LRRIQ1: variants seen among roughly 807,000 people sequenced by gnomAD.
LRRIQ1 encodes leucine rich repeats and IQ motif containing 1.
LRRIQ1 carries 210 observed loss-of-function variants against 211.9 expected under a neutral mutation model. That is an observed-to-expected ratio of 0.99 (90% CI 0.89 to 1.11). The LOEUF is 1.11. Among genes scored for constraint, LRRIQ1 ranks in the 50% most tolerant of loss-of-function variants. The pLI is 0.00. For missense variants in LRRIQ1, 2,136 were observed against 1,939.5 expected (o/e 1.10, Z -1.90); for synonymous variants, 699 against 650.1 (o/e 1.08, Z -1.14).
intron 11 of LRRIQ1, among the ~76,000 whole-genome samples, chr12:85,081,687 C>A (rs1884301328): frequency 6.8e-6 from 1 of 147,332 alleles, no homozygotes; most frequent in Admixed American, 6.8e-5. Flanking sequence ...TATTTGCTGA[C>A]ATTTGTCATT....
chr12:85,164,170 C>T (rs199523022), intron 24 of LRRIQ1, among the ~76,000 whole-genome samples: 1 of 152,128 alleles, frequency 6.6e-6, no homozygotes, highest in East Asian at 1.9e-4. Context: ...TGGTTATTGC[C>T]TTAAAGATCT....
chr12:85,156,778 A>G (rs1890572805), intron 23 of LRRIQ1, among the ~76,000 whole-genome samples: 2 of 150,672 alleles, frequency 1.3e-5, no homozygotes, highest in Admixed American at 6.6e-5. Flanking sequence ...AACATCGTCT[A>G]TAAAACTGCT....
At chr12:85,140,397 G>T (rs1889453492) in intron 19 of LRRIQ1, among the ~76,000 whole-genome samples, 1 of 151,122 alleles carries the variant, frequency 6.6e-6, no homozygotes, top group East Asian at 2.0e-4. Context: ...TAGTTGATTT[G>T]TTCCTAAGTA....
chr12:85,255,400 A>G (rs1434229044), intron 1 of LRRIQ1, among the ~76,000 whole-genome samples: 1 of 151,770 alleles, frequency 6.6e-6, no homozygotes, highest in Non-Finnish European at 1.5e-5. Context: ...CATATTTCCT[A>G]TTAAAATATT....
intron 19 of LRRIQ1, among the ~76,000 whole-genome samples, chr12:85,142,952 T>C (rs571437339): frequency 2.1e-4 from 32 of 151,760 alleles, no homozygotes; most frequent in African/African-American, 7.5e-4. Context: ...ATACTGATTT[T>C]ATTGCCTTTT....
chr12:85,126,376 G>T (rs1482718576), intron 17 of LRRIQ1, among the ~76,000 whole-genome samples: 1 of 152,046 alleles, frequency 6.6e-6, no homozygotes, highest in Non-Finnish European at 1.5e-5. Context: ...TTTCCCATAA[G>T]CCTTTTAATT....
At chr12:85,185,892 TTATA>T (rs1394529146) in intron 24 of LRRIQ1, among the ~76,000 whole-genome samples, 1 of 151,992 alleles carries the variant, frequency 6.6e-6, no homozygotes, top group Non-Finnish European at 1.5e-5. Context: ...TTTTAATTGC[TTATA>T]TATATAAGGT....
chr12:85,224,622 G>C (rs1234947333), intron 24 of LRRIQ1, among the ~76,000 whole-genome samples: 1 of 150,518 alleles, frequency 6.6e-6, no homozygotes, highest in East Asian at 2.0e-4. Context: ...TTCTCAGCAA[G>C]ATAACACAGG....
rs1885738741 is a variant in LRRIQ1 at position 85,094,943 on chromosome 12, G to A, written c.2888-3412G>A. ...TTCAATATTACTGGTGTATAGAAATGCTACTGATTTTTCTACATTGATTTT... is the reference window on the plus strand; with the variant it reads ...TTCAATATTACTGGTGTATAGAAATACTACTGATTTTTCTACATTGATTTT... On this transcript the variant is annotated intron_variant, in intron 11 of 26. Transcript: ENST00000393217. Among the ~76,000 whole-genome samples, 3 of 152,012 alleles carry A rather than the reference G, an allele frequency of 2.0e-5. No homozygotes were observed. The South Asian group carries it at 6.2e-4, about 31-fold the overall frequency.
At chr12:85,187,338 A>G (rs530144491) in intron 24 of LRRIQ1, among the ~76,000 whole-genome samples, 3 of 152,318 alleles carry the variant, frequency 2.0e-5, no homozygotes, top group South Asian at 4.1e-4. Context: ...TAAATTATAA[A>G]TGGGCAGTAG....
At chr12:85,157,425 C>T (rs987443628) in intron 23 of LRRIQ1, among the ~76,000 whole-genome samples, 2 of 151,826 alleles carry the variant, frequency 1.3e-5, no homozygotes, top group African/African-American at 2.4e-5. Context: ...TGCTTTTAAC[C>T]TCTTGATTGG....
At chr12:85,202,911 G>T (rs1555224342) in intron 24 of LRRIQ1, among the ~76,000 whole-genome samples, 1 of 152,112 alleles carries the variant, frequency 6.6e-6, no homozygotes, top group Non-Finnish European at 1.5e-5. Flanking sequence ...TTTTTGTAGT[G>T]GCCAGTAATG....
At chr12:85,088,391 C>G (rs1486933989) in intron 11 of LRRIQ1, among the ~76,000 whole-genome samples, 1 of 152,156 alleles carries the variant, frequency 6.6e-6, no homozygotes, top group African/African-American at 2.4e-5. Context: ...ATGCCTCCAG[C>G]TTTGTTCTTT....
chr12:85,160,345 T>C (rs1890797684), intron 23 of LRRIQ1, among the ~76,000 whole-genome samples: 2 of 152,034 alleles, frequency 1.3e-5, no homozygotes, highest in East Asian at 1.9e-4. Context: ...TTCCATCTTT[T>C]GTATCCCATC....
intron 24 of LRRIQ1, among the ~76,000 whole-genome samples, chr12:85,186,770 C>T (rs958103601): frequency 6.6e-6 from 1 of 151,838 alleles, no homozygotes; most frequent in Non-Finnish European, 1.5e-5. Context: ...GTAACAATTT[C>T]TCACCCACAT....
chr12:85,049,576 CT>C (rs1880055665), intron 6 of LRRIQ1, among the ~76,000 whole-genome samples: 2 of 152,048 alleles, frequency 1.3e-5, no homozygotes, highest in Admixed American at 1.3e-4. Flanking sequence ...TCCTCCCATC[CT>C]AAAAATAAAA....
At chr12:85,260,021 G>T (rs1565932521) in intron 1 of LRRIQ1, among the ~76,000 whole-genome samples, 2 of 146,624 alleles carry the variant, frequency 1.4e-5, no homozygotes, top group Admixed American at 7.1e-5. Context: ...ATGCAATTCA[G>T]TCTATTTCAT....
chr12:85,195,013 A>G (rs529948884), intron 24 of LRRIQ1, among the ~76,000 whole-genome samples: 1 of 152,332 alleles, frequency 6.6e-6, no homozygotes, highest in South Asian at 2.1e-4. Flanking sequence ...TCCCACAGAA[A>G]TACAAACTAC....
chr12:85,137,783 AAC>A, intron 18 of LRRIQ1, 65 bp from the exon 19 acceptor site: 1 of 1,355,066 alleles, frequency 7.4e-7, no homozygotes, highest in Non-Finnish European at 9.9e-7. Context: ...CTAATGGGAT[AAC>A]ACAGATAATC....
Sources: allele counts gnomAD v4.1 joint callset (sites outside exome capture counted in the v4.1 genomes callset), GRCh38; gene constraint gnomAD v4.1.1; transcripts MANE v1.5; gene names NCBI Gene and HGNC (gene_info 2026-07-23, HGNC 2026-07-21).